The following AK9 variants were observed in gnomAD, a reference collection of about 807,000 sequenced individuals.
The protein encoded by AK9 is adenylate kinase 9, also known as adenylate kinase domain containing 1.
In AK9, 191 loss-of-function variants were observed where a neutral mutation model predicts 239.6. The observed-to-expected ratio is 0.80, with a 90% CI of 0.71 to 0.90. The LOEUF (loss-of-function observed/expected upper bound fraction) is 0.90, where lower values mean the gene tolerates loss of function less well. AK9 is among the 40% of genes least tolerant of loss of function. AK9 has a pLI of 0.00. For missense variants in AK9, 1,995 were observed against 2,214.7 expected, an observed-to-expected ratio of 0.90 and a Z score of 1.99; for synonymous variants, 689 against 721.0, an observed-to-expected ratio of 0.96 and a Z score of 0.71.
intron 27 of AK9, among the ~76,000 whole-genome samples, chr6:109,535,765 C>G (rs931212531): frequency 1.3e-4 from 20 of 152,170 alleles, no homozygotes; most frequent in Non-Finnish European, 2.6e-4. Flanking sequence ...TTTAATCCAT[C>G]TTGAATTAAT....
intron 25 of AK9, among the ~76,000 whole-genome samples, chr6:109,547,165 T>C (rs374081360): frequency 1.5e-4 from 23 of 152,256 alleles, no homozygotes; most frequent in African/African-American, 5.5e-4. Context: ...GGCACAACCA[T>C]CCACATACTT....
intron 35 of AK9, among the ~76,000 whole-genome samples, chr6:109,501,921 A>G (rs1562319943): frequency 6.6e-6 from 1 of 152,208 alleles, no homozygotes; most frequent in African/African-American, 2.4e-5. Context: ...CCTTAAAACA[A>G]ATGACTTTGA....
At chr6:109,540,038 T>C (rs1295137017) in intron 27 of AK9, among the ~76,000 whole-genome samples, 1 of 152,046 alleles carries the variant, frequency 6.6e-6, no homozygotes, top group Non-Finnish European at 1.5e-5. Flanking sequence ...CCAGTTAGGG[T>C]ACTCGGGGGT....
chr6:109,601,432 G>C (rs1051036352), intron 17 of AK9, among the ~76,000 whole-genome samples: 2 of 152,194 alleles, frequency 1.3e-5, no homozygotes, highest in African/African-American at 4.8e-5. Flanking sequence ...TTGCACTGTG[G>C]TCTGAGAGAC....
At chr6:109,570,054 A>G (rs1583051719) in intron 21 of AK9, among the ~76,000 whole-genome samples, 1 of 152,126 alleles carries the variant, frequency 6.6e-6, no homozygotes, top group South Asian at 2.1e-4. Flanking sequence ...TGATAGACTG[A>G]ATTAAGAAAA....
intron 33 of AK9, among the ~76,000 whole-genome samples, chr6:109,508,606 A>T (rs1282730750): frequency 6.6e-6 from 1 of 152,148 alleles, no homozygotes; most frequent in Non-Finnish European, 1.5e-5. Flanking sequence ...TAGGTCAGTG[A>T]CCTGTGCTCA....
intron 29 of AK9, among the ~76,000 whole-genome samples, chr6:109,526,260 T>G (rs556707442): frequency 9.2e-4 from 139 of 151,534 alleles, no homozygotes; most frequent in Non-Finnish European, 1.6e-3. Context: ...GTAACAAACC[T>G]GCACATGTAC....
intron 16 of AK9, among the ~76,000 whole-genome samples, chr6:109,611,457 C>T (rs901496554): frequency 4.6e-5 from 7 of 152,170 alleles, no homozygotes; most frequent in African/African-American, 1.7e-4. Flanking sequence ...TACAGCAACC[C>T]TGATTTTGTC....
rs1305748611 is a variant in AK9, at chr6:109,533,343, G to A, written c.3478C>T (p.Leu1160Phe). Residue 1160 changes from leucine to phenylalanine, a missense_variant, in exon 28 of 41, where the codon CTC becomes TTC. Transcript: ENST00000424296. ...QVDDQDIFDR[L>F]LPAQIEKWKL... The stretch of plus-strand genomic sequence containing the variant: ...CACTTTTCAATTTGGGCAGGAAGGA[G>A]GCGATCAAAAATATCTTGATCATCA... The A allele has an allele frequency of 4.3e-6, 7 of 1,611,650 alleles. No homozygotes were observed. Among genetic ancestry groups the A allele is most frequent in the Non-Finnish European group, 5.1e-6 (6 of 1,179,186 alleles).
In AK9 at chr6:109,578,842, G is replaced by A. The variant is rs28618999; in HGVS notation, c.2191+708C>T. ...CAGGTTGTCTAATTTCCATGTATTC[G>A]TATAGTTTGGAATTTATTTCCAATT... On this transcript the variant is annotated intron_variant, in intron 20 of 40. Coordinates refer to ENST00000424296, the MANE Select transcript of AK9 (RefSeq NM_001145128.3). 6.8e-3 allele frequency among the ~76,000 whole-genome samples: 857 copies of A among 125,956 alleles called. 9 individuals are homozygous for A. Among genetic ancestry groups the A allele is most frequent in the African/African-American group, 0.021 (824 of 38,810 alleles). The allele number at this position is 125,956 out of a possible 152,430, so 82.6% of individuals were successfully genotyped here.
chr6:109,660,784 A>G (rs1237933406), intron 6 of AK9, among the ~76,000 whole-genome samples: 1 of 152,108 alleles, frequency 6.6e-6, no homozygotes, highest in African/African-American at 2.4e-5. Context: ...CAACACTAAT[A>G]GCTGGGCTCC....
At chr6:109,542,305 G>C in intron 26 of AK9, 134 bp from the exon 27 acceptor site, 1 of 796,140 alleles carries the variant, frequency 1.3e-6, no homozygotes, top group Non-Finnish European at 1.9e-6. Context: ...ACCACAGGCA[G>C]GGAAGGGTGT....
chr6:109,588,823 T>G (rs1789858383), intron 17 of AK9, among the ~76,000 whole-genome samples: 1 of 152,192 alleles, frequency 6.6e-6, no homozygotes, highest in East Asian at 1.9e-4. Context: ...TACCATTTAT[T>G]GAATGGGTGT....
intron 1 of AK9, among the ~76,000 whole-genome samples, chr6:109,688,719 C>T (rs899301731): frequency 5.3e-5 from 8 of 152,162 alleles, no homozygotes; most frequent in Non-Finnish European, 7.3e-5. Context: ...AGAGATGGTT[C>T]TATCAGGGGA....
intron 8 of AK9, among the ~76,000 whole-genome samples, chr6:109,652,251 T>C (rs376997658): frequency 6.6e-6 from 1 of 152,188 alleles, no homozygotes; most frequent in South Asian, 2.1e-4. Context: ...TGGTTCAACA[T>C]ACGCAAATGA....
At chr6:109,502,142 C>T (rs1562320211) in intron 35 of AK9, among the ~76,000 whole-genome samples, 1 of 152,150 alleles carries the variant, frequency 6.6e-6, no homozygotes, top group Non-Finnish European at 1.5e-5. Flanking sequence ...AATCTCCTCC[C>T]CCATGTGTGG....
chr6:109,640,658 C>T (rs1797304200), intron 10 of AK9, among the ~76,000 whole-genome samples: 1 of 151,848 alleles, frequency 6.6e-6, no homozygotes, highest in Non-Finnish European at 1.5e-5. Flanking sequence ...CTCAAGTGAT[C>T]CTTCCACCTC....
chr6:109,648,037 C>T (rs1798326220), intron 8 of AK9, among the ~76,000 whole-genome samples: 1 of 151,994 alleles, frequency 6.6e-6, no homozygotes, highest in Non-Finnish European at 1.5e-5. Context: ...TTCTTTGAAA[C>T]CAACGAGAAC....
intron 17 of AK9, among the ~76,000 whole-genome samples, chr6:109,607,531 C>T (rs1450346987): frequency 6.6e-6 from 1 of 152,028 alleles, no homozygotes; most frequent in Non-Finnish European, 1.5e-5. Flanking sequence ...GAAGGATGTG[C>T]ATAGGTTATA....
Sources: allele counts gnomAD v4.1 joint callset (sites outside exome capture counted in the v4.1 genomes callset), GRCh38; gene constraint gnomAD v4.1.1; transcripts MANE v1.5; gene names NCBI Gene and HGNC (gene_info 2026-07-23, HGNC 2026-07-21).